The following LSAMP variants were observed in gnomAD, a reference collection of about 807,000 sequenced individuals.
LSAMP encodes limbic system-associated membrane protein.
A neutral mutation model predicts 38.6 loss-of-function variants in LSAMP; 7 were observed. That is an observed-to-expected ratio of 0.18 (90% CI 0.10 to 0.34). The LOEUF (loss-of-function observed/expected upper bound fraction) is 0.34. LSAMP is among the 10% of genes least tolerant of loss of function. The probability of loss-of-function intolerance (pLI) is 1.00; values close to 1 mark genes in which losing one functional copy is unlikely to be tolerated. For synonymous variants in LSAMP, 154 were observed against 166.8 expected, an observed-to-expected ratio of 0.92 and a Z score of 0.59; for missense variants, 313 against 420.0, an observed-to-expected ratio of 0.75 and a Z score of 2.23.
At chr3:116,065,225 C>G (rs893730245) in intron 2 of LSAMP, among the ~76,000 whole-genome samples, 1 of 152,104 alleles carries the variant, frequency 6.6e-6, no homozygotes, top group African/African-American at 2.4e-5. Flanking sequence ...GAGCAGTATG[C>G]TGAAGGTGGG....
intron 3 of LSAMP, among the ~76,000 whole-genome samples, chr3:116,013,286 G>A (rs1480451774): frequency 6.6e-6 from 1 of 152,180 alleles, no homozygotes; most frequent in Non-Finnish European, 1.5e-5. Context: ...GTTACTGTGA[G>A]CATCTCCAGG....
intron 1 of LSAMP, among the ~76,000 whole-genome samples, chr3:116,151,738 A>C (rs890615194): frequency 6.6e-6 from 1 of 151,998 alleles, no homozygotes; most frequent in African/African-American, 2.4e-5. Context: ...AACTTTCCTC[A>C]AAGGAGCAGG....
chr3:115,860,403 A>G (rs899238387), intron 3 of LSAMP, among the ~76,000 whole-genome samples: 5 of 152,236 alleles, frequency 3.3e-5, no homozygotes, highest in Non-Finnish European at 4.4e-5. Flanking sequence ...AGGATGCTAC[A>G]GTTGGCTGGA....
At chr3:115,878,205 C>T (rs912636020) in intron 3 of LSAMP, among the ~76,000 whole-genome samples, 1 of 151,946 alleles carries the variant, frequency 6.6e-6, no homozygotes, top group African/African-American at 2.4e-5. Flanking sequence ...AATGTCCTCC[C>T]AGAACAGTAA....
In LSAMP at chr3:116,382,858, G is replaced by A. The variant is rs535224501; in HGVS notation, c.155+62019C>T. On this transcript the variant is annotated intron_variant, in intron 1 of 6. Coordinates refer to ENST00000490035, the MANE Select transcript of LSAMP (RefSeq NM_002338.5). ...GGTGAAAAAGGGCAAAGTGCCTTAC[G>A]ATGTTGGGTTGCATTTACTGAAAAT... Among the ~76,000 whole-genome samples, 8 of 152,202 alleles carry A rather than the reference G, an allele frequency of 5.3e-5. No homozygotes were observed. The East Asian group carries it at 1.4e-3, about 26-fold the overall frequency.
At chr3:115,935,423 C>A (rs1937667442) in intron 3 of LSAMP, among the ~76,000 whole-genome samples, 1 of 152,310 alleles carries the variant, frequency 6.6e-6, no homozygotes, top group African/African-American at 2.4e-5. Context: ...AAACCACAAT[C>A]TTGCCTTTAT....
At chr3:116,308,444 G>A (rs140830731) in intron 1 of LSAMP, among the ~76,000 whole-genome samples, 15 of 152,152 alleles carry the variant, frequency 9.9e-5, no homozygotes, top group Non-Finnish European at 1.8e-4. Flanking sequence ...GTCTACACTG[G>A]ATTAATGAAT....
intron 1 of LSAMP, among the ~76,000 whole-genome samples, chr3:116,177,029 T>C (rs1329442904): frequency 6.6e-6 from 1 of 152,122 alleles, no homozygotes; most frequent in African/African-American, 2.4e-5. Context: ...AGTTACATAA[T>C]TAGATAAAAG....
chr3:116,008,805 G>A (rs1035391836), intron 3 of LSAMP, among the ~76,000 whole-genome samples: 6 of 151,962 alleles, frequency 3.9e-5, no homozygotes, highest in African/African-American at 7.3e-5. Context: ...GCTATACTTC[G>A]AATACTAAGG....
At chr3:116,196,196 C>G (rs1429947064) in intron 1 of LSAMP, among the ~76,000 whole-genome samples, 4 of 152,058 alleles carry the variant, frequency 2.6e-5, no homozygotes, top group South Asian at 2.1e-4. Context: ...ATAATTTTGA[C>G]TAAGATTACT....
intron 2 of LSAMP, among the ~76,000 whole-genome samples, chr3:116,028,144 G>C (rs559675213): frequency 6.6e-6 from 1 of 152,160 alleles, no homozygotes; most frequent in Non-Finnish European, 1.5e-5. Flanking sequence ...AATGTTTCTT[G>C]AGCAGCACTT....
At chr3:115,846,514 T>G (rs1935164835) in intron 4 of LSAMP, among the ~76,000 whole-genome samples, 1 of 152,254 alleles carries the variant, frequency 6.6e-6, no homozygotes, top group East Asian at 1.9e-4. Context: ...CTCTAATAGG[T>G]TTTAGATATC....
chr3:115,978,504 G>A (rs1161215201), intron 3 of LSAMP, among the ~76,000 whole-genome samples: 1 of 151,512 alleles, frequency 6.6e-6, no homozygotes, highest in Non-Finnish European at 1.5e-5. Flanking sequence ...GAATAACAAT[G>A]GTGTCAAGCA....
At chr3:116,027,002 G>C (rs1195727421) in intron 2 of LSAMP, among the ~76,000 whole-genome samples, 1 of 152,126 alleles carries the variant, frequency 6.6e-6, no homozygotes, top group Non-Finnish European at 1.5e-5. Context: ...ATAAAATAGT[G>C]TACCTAGTTA....
chr3:116,015,941 G>A (rs956419279), intron 3 of LSAMP, among the ~76,000 whole-genome samples: 51 of 152,194 alleles, frequency 3.4e-4, no homozygotes, highest in African/African-American at 1.2e-3. Flanking sequence ...GTTAATTACA[G>A]GTATATTTCC....
intron 2 of LSAMP, among the ~76,000 whole-genome samples, chr3:116,029,367 G>GA (rs138595719): frequency 9.9e-5 from 15 of 152,198 alleles, no homozygotes; most frequent in African/African-American, 3.6e-4. Context: ...TGGGAAAGTA[G>GA]AAAAAATACA....
At chr3:116,324,147 T>G (rs1005178627) in intron 1 of LSAMP, among the ~76,000 whole-genome samples, 5 of 152,144 alleles carry the variant, frequency 3.3e-5, no homozygotes, top group Non-Finnish European at 5.9e-5. Context: ...AAATTACTAT[T>G]GGAAAGTAAA....
intron 2 of LSAMP, among the ~76,000 whole-genome samples, chr3:116,044,623 A>T (rs370521518): frequency 4.6e-5 from 4 of 86,608 alleles, no homozygotes; most frequent in Non-Finnish European, 9.0e-5. Flanking sequence ...AATTGTATCT[A>T]AAAAAAAAAA....
At chr3:116,192,678 T>C (rs1215703902) in intron 1 of LSAMP, among the ~76,000 whole-genome samples, 1 of 152,186 alleles carries the variant, frequency 6.6e-6, no homozygotes, top group Non-Finnish European at 1.5e-5. Context: ...TCAGCAAAGA[T>C]AGAAAAATGG....
Sources: allele counts gnomAD v4.1 joint callset (sites outside exome capture counted in the v4.1 genomes callset), GRCh38; gene constraint gnomAD v4.1.1; transcripts MANE v1.5; gene names NCBI Gene and HGNC (gene_info 2026-07-23, HGNC 2026-07-21).